NFIA: variants seen among roughly 807,000 people sequenced by gnomAD.
The protein encoded by NFIA is nuclear factor I A, also known as nuclear factor 1 A-type.
In NFIA, 8 loss-of-function variants were observed where a neutral mutation model predicts 62.8. That is an observed-to-expected ratio of 0.13 (90% CI 0.07 to 0.23). The LOEUF (loss-of-function observed/expected upper bound fraction) is 0.23, where lower values mean the gene tolerates loss of function less well. Among genes scored for constraint, NFIA ranks in the 10% least tolerant of loss-of-function variants. The pLI is 1.00. For missense variants in NFIA, 410 were observed against 642.1 expected (o/e 0.64, Z 3.91); for synonymous variants, 235 against 238.1 (o/e 0.99, Z 0.12).
At chr1:61,431,250 T>G (rs1667087503) in intron 10 of NFIA, among the ~76,000 whole-genome samples, 1 of 152,158 alleles carries the variant, frequency 6.6e-6, no homozygotes, top group Admixed American at 6.5e-5. Context: ...AAGTTAATAT[T>G]TCATCATCAG....
chr1:61,444,089 A>C (rs931571326), intron 10 of NFIA, among the ~76,000 whole-genome samples: 12 of 152,198 alleles, frequency 7.9e-5, no homozygotes, highest in Admixed American at 7.8e-4. Context: ...AGGCAGAAAA[A>C]CCATTTAAGC....
At chr1:61,245,944 A>G (rs763561631) in intron 2 of NFIA, among the ~76,000 whole-genome samples, 2 of 152,176 alleles carry the variant, frequency 1.3e-5, no homozygotes, top group Non-Finnish European at 2.9e-5. Flanking sequence ...GAAAAGTTCC[A>G]GGTGAAATTC....
chr1:61,197,990 A>G (rs1652156265), intron 2 of NFIA, among the ~76,000 whole-genome samples: 1 of 152,120 alleles, frequency 6.6e-6, no homozygotes, highest in Non-Finnish European at 1.5e-5. Context: ...AGAAAGAAAG[A>G]AAGAGAGAAA....
intron 2 of NFIA, among the ~76,000 whole-genome samples, chr1:61,093,641 A>G (rs1281543958): frequency 2.6e-5 from 4 of 152,236 alleles, no homozygotes; most frequent in Admixed American, 6.5e-5. Flanking sequence ...CCTAGAATGT[A>G]GTAACAAAAT....
At chr1:61,136,533 C>T (rs928792494) in intron 2 of NFIA, among the ~76,000 whole-genome samples, 3 of 152,096 alleles carry the variant, frequency 2.0e-5, no homozygotes, top group East Asian at 1.9e-4. Flanking sequence ...GCCTTTCTAA[C>T]GCCTATGAGA....
chr1:61,445,423 A>T (rs17122224), intron 10 of NFIA, among the ~76,000 whole-genome samples: 2,035 of 152,340 alleles, frequency 0.013, 41 homozygotes, highest in East Asian at 0.048. Flanking sequence ...TAATCTACAA[A>T]TTTAGAAGGA....
chr1:61,395,286 G>GTTT (rs371283588), intron 7 of NFIA, among the ~76,000 whole-genome samples: 42 of 134,364 alleles, frequency 3.1e-4, no homozygotes, highest in Admixed American at 4.6e-4. Flanking sequence ...GTGTGTGTGT[G>GTTT]TGTTTTTTTT....
intron 2 of NFIA, among the ~76,000 whole-genome samples, chr1:61,208,443 CTT>C (rs1653036370): frequency 3.9e-5 from 6 of 152,280 alleles, no homozygotes; most frequent in Middle Eastern, 3.4e-3. Flanking sequence ...TTTGTTTTGG[CTT>C]TTAGTCTTGA....
At chr1:61,395,562 C>G (rs1195164933) in intron 7 of NFIA, among the ~76,000 whole-genome samples, 2 of 152,180 alleles carry the variant, frequency 1.3e-5, no homozygotes, top group South Asian at 2.1e-4. Flanking sequence ...ACAGTAGTAT[C>G]GCTTACATGT....
chr1:61,274,441 G>T (rs755877256), intron 2 of NFIA, among the ~76,000 whole-genome samples: 47 of 152,276 alleles, frequency 3.1e-4, no homozygotes, highest in Non-Finnish European at 5.1e-4. Context: ...TAAACACAGT[G>T]TAAGTAAAAT....
chr1:61,304,179 G>T (rs1330010126), intron 3 of NFIA, among the ~76,000 whole-genome samples: 1 of 152,106 alleles, frequency 6.6e-6, no homozygotes, highest in Non-Finnish European at 1.5e-5. Flanking sequence ...AGGAGGCTGA[G>T]GTGAGAGAAT....
At position 61,459,714 on chromosome 1, in the gene NFIA, T is replaced by C. The variant is rs1161655248; in HGVS notation, c.*4394T>C. ...CCCATCTCCAAAAGTTTGTCTTTGATTTTTTCCAAGCCCTTAGCCCCATAA... is the reference window on the plus strand; with the variant it reads ...CCCATCTCCAAAAGTTTGTCTTTGACTTTTTCCAAGCCCTTAGCCCCATAA... On this transcript the variant is annotated 3_prime_UTR_variant, in exon 11 of 11. Coordinates refer to ENST00000403491, the MANE Select transcript of NFIA (RefSeq NM_001134673.4). 6.6e-6 allele frequency: 1 copy of C among 152,222 alleles called. No individual in the cohort carries two copies. Among genetic ancestry groups the C allele is most frequent in the Non-Finnish European group, 1.5e-5 (1 of 68,052 alleles). 9.4% of individuals were successfully genotyped at this position (152,222 alleles called of 1,614,324 possible).
intron 10 of NFIA, among the ~76,000 whole-genome samples, chr1:61,433,533 T>C (rs1198641089): frequency 1.3e-5 from 2 of 151,642 alleles, no homozygotes; most frequent in Non-Finnish European, 2.9e-5. Context: ...GAAATAAATA[T>C]GTGTGTGTAT....
chr1:61,445,730 C>T, intron 10 of NFIA, among the ~76,000 whole-genome samples: 1 of 152,310 alleles, frequency 6.6e-6, no homozygotes, highest in South Asian at 2.1e-4. Flanking sequence ...ACACACATAC[C>T]TCCCATCTAG....
intron 2 of NFIA, among the ~76,000 whole-genome samples, chr1:61,158,861 G>T (rs574152826): frequency 6.6e-6 from 1 of 152,212 alleles, no homozygotes; most frequent in African/African-American, 2.4e-5. Flanking sequence ...CATTTATTTT[G>T]GTTATTTTCC....
At chr1:61,107,820 C>T (rs75012097) in intron 2 of NFIA, among the ~76,000 whole-genome samples, 11,541 of 151,442 alleles carry the variant, frequency 0.076, 438 homozygotes, top group East Asian at 0.099. Flanking sequence ...GTATTCCATC[C>T]GGAATTTGTG....
intron 2 of NFIA, among the ~76,000 whole-genome samples, chr1:61,185,386 A>G (rs1372107550): frequency 3.3e-5 from 5 of 152,236 alleles, no homozygotes; most frequent in Non-Finnish European, 7.3e-5. Flanking sequence ...GAATATCTCC[A>G]GTTGAAGCCA....
intron 2 of NFIA, among the ~76,000 whole-genome samples, chr1:61,200,343 T>C (rs1652384684): frequency 6.6e-6 from 1 of 151,730 alleles, no homozygotes; most frequent in Non-Finnish European, 1.5e-5. Flanking sequence ...AGAATCTTCC[T>C]CCTGGACTAT....
chr1:61,082,886 G>C, intron 1 of NFIA, 68 bp downstream of exon 1: 1 of 1,464,504 alleles, frequency 6.8e-7, no homozygotes, highest in South Asian at 1.3e-5. Flanking sequence ...GGGCTGGGTG[G>C]GGGGCACCGG....
Sources: allele counts gnomAD v4.1 joint callset (sites outside exome capture counted in the v4.1 genomes callset), GRCh38; gene constraint gnomAD v4.1.1; transcripts MANE v1.5; gene names NCBI Gene and HGNC (gene_info 2026-07-23, HGNC 2026-07-21).